Variants in TYRO3 observed in about 807,000 individuals in gnomAD.
TYRO3 encodes the protein TYRO3 protein tyrosine kinase, also known as tyrosine-protein kinase receptor TYRO3.
In TYRO3, 38 loss-of-function variants were observed where a neutral mutation model predicts 95.2. The observed-to-expected ratio is 0.40, with a 90% confidence interval of 0.31 to 0.52. TYRO3 has a LOEUF of 0.52. Among genes scored for constraint, TYRO3 ranks in the 20% least tolerant of loss-of-function variants. The pLI is 0.56. For missense variants in TYRO3, 812 were observed against 1,116.4 expected (o/e 0.73, Z 3.89); for synonymous variants, 367 against 432.9 (o/e 0.85, Z 1.89).
In TYRO3 at chr15:41,580,509, A is replaced by T. The variant is rs1264084275; in HGVS notation, c.*2233A>T. The T allele has an allele frequency of 6.6e-6, 1 of 152,198 alleles. No homozygotes were observed. Among genetic ancestry groups the T allele is most frequent in the South Asian group, 2.1e-4 (1 of 4,830 alleles). 9.4% of individuals were successfully genotyped at this position (152,198 alleles called of 1,614,324 possible). ...CGAGACTCCATCTCAAAAATAAAAT[A>T]AAAATAAAAATGCAAAAAATAATAA... On this transcript the variant is annotated 3_prime_UTR_variant, in exon 19 of 19. Transcript: ENST00000263798.
At chr15:41,574,194 C>G (rs1344272546) in intron 18 of TYRO3, among the ~76,000 whole-genome samples, 2 of 152,044 alleles carry the variant, frequency 1.3e-5, no homozygotes, top group African/African-American at 2.4e-5. Context: ...TTGTTCTACC[C>G]TAGTGAATAC....
intron 13 of TYRO3, 84 bp from the exon 14 acceptor site, chr15:41,571,511 C>A (rs772227755): frequency 7.0e-5 from 67 of 951,866 alleles, no homozygotes; most frequent in Non-Finnish European, 1.0e-4. Context: ...CCTAGGACAT[C>A]TGAAGGACAA....
chr15:41,567,581 G>T, intron 7 of TYRO3, 44 bp downstream of exon 7: 1 of 1,407,568 alleles, frequency 7.1e-7, no homozygotes, highest in Non-Finnish European at 9.3e-7. Flanking sequence ...GGCTGGAGCC[G>T]GGAAGGGGGC....
intron 4 of TYRO3, among the ~76,000 whole-genome samples, chr15:41,563,946 G>A (rs2055688372): frequency 6.6e-6 from 1 of 152,164 alleles, no homozygotes; most frequent in African/African-American, 2.4e-5. Context: ...CCGTGCACTT[G>A]ACACACATTA....
chr15:41,578,081 G>T lies in TYRO3; in HGVS notation c.2478G>T (p.Gln826His), dbSNP rs1356953333. 4 of 1,614,108 alleles carry T rather than the reference G, an allele frequency of 2.5e-6. No individual in the cohort carries two copies. Among genetic ancestry groups the T allele is most frequent in the Non-Finnish European group, 3.4e-6 (4 of 1,180,028 alleles). Reference sequence around the variant, plus strand: ...GCCTGGAGCTACCTGGCAGGGATCAGCCCTACAGTGGGGCTGGGGATGGCA... The same window carrying T: ...GCCTGGAGCTACCTGGCAGGGATCATCCCTACAGTGGGGCTGGGGATGGCA... ...GGSLELPGRD[Q>H]PYSGAGDGSG... Residue 826 changes from glutamine to histidine, a missense_variant, in exon 19 of 19, where the codon CAG becomes CAT. By Grantham distance (24) the Gln-to-His change is conservative. Coordinates refer to ENST00000263798, the MANE Select transcript of TYRO3 (RefSeq NM_006293.4).
At chr15:41,564,948 T>C (rs893128126) in intron 5 of TYRO3, 78 bp from the exon 6 acceptor site, 7 of 957,434 alleles carry the variant, frequency 7.3e-6, no homozygotes, top group Admixed American at 5.7e-5. Flanking sequence ...TCAGAGAGAC[T>C]CAAGGCTTGA....
chr15:41,567,037 G>A (rs1315138815), intron 6 of TYRO3, among the ~76,000 whole-genome samples: 1 of 152,060 alleles, frequency 6.6e-6, no homozygotes, highest in Non-Finnish European at 1.5e-5. Context: ...TAAGAGTTTC[G>A]TACCAAGTAC....
chr15:41,571,152 A>T (rs1193157888), intron 13 of TYRO3, 34 bp downstream of exon 13: 10 of 1,605,328 alleles, frequency 6.2e-6, no homozygotes, highest in Non-Finnish European at 7.7e-6. Flanking sequence ...TGAGGGCATC[A>T]CTTGGAAGGG....
At position 41,573,781 on chromosome 15, in the gene TYRO3, C is replaced by T. The variant is rs145529129; in HGVS notation, c.2248C>T (p.Arg750Cys). Reference sequence around the variant, plus strand: ...TTACAACTACCTCATTGGCGGGAACCGCCTGAAACAGCCTCCGGAGTGTAT... The same window carrying T: ...TTACAACTACCTCATTGGCGGGAACTGCCTGAAACAGCCTCCGGAGTGTAT... ...EIYNYLIGGN[R>C]LKQPPECMED... is the part of the protein sequence containing the mutation. Residue 750 changes from arginine to cysteine, a missense_variant, in exon 18 of 19, where the codon CGC (arginine) becomes TGC (cysteine). Physicochemically the swap from Arg to Cys is radical, Grantham distance 180 (BLOSUM62 -3). Coordinates refer to ENST00000263798, the MANE Select transcript of TYRO3 (RefSeq NM_006293.4). The T allele has an allele frequency of 2.1e-4, 337 of 1,613,812 alleles. No homozygotes were observed. The highest frequency in any genetic ancestry group is 3.3e-4 in the Middle Eastern group (2 of 6,082).
intron 14 of TYRO3, 101 bp downstream of exon 14, chr15:41,571,788 G>A: frequency 1.9e-6 from 1 of 529,004 alleles, no homozygotes; most frequent in Non-Finnish European, 3.6e-6. Flanking sequence ...GACTCATCTG[G>A]TAAATAAATA....
rs1204545728 is a variant in TYRO3, at chr15:41,570,011, C to CA, written c.1253-15dup. On this transcript the variant is annotated splice_polypyrimidine_tract_variant and intron_variant, in intron 9 of 18. Coordinates refer to ENST00000263798, the MANE Select transcript of TYRO3 (RefSeq NM_006293.4). ...GGTGTCATCCTAGCTCATGCCACTG[C>CA]ACCTCCCTCCCACAGGCCAGCAGGG... 4 of 1,511,282 alleles carry CA rather than the reference C, an allele frequency of 2.6e-6. No homozygotes were observed. The highest frequency in any genetic ancestry group is 1.8e-6 in the Non-Finnish European group (2 of 1,112,264). 93.6% of individuals were successfully genotyped at this position (1,511,282 alleles called of 1,614,324 possible). A position where few individuals can be genotyped will look rare whatever the true frequency, so the allele number is the denominator to read the frequency against.
rs1460677292 is a variant in TYRO3 at position 41,572,453 on chromosome 15, C to T, written c.1764C>T (p.Leu588=). 1 of 1,614,210 alleles carries T rather than the reference C, an allele frequency of 6.2e-7. No homozygotes were observed. Among genetic ancestry groups the T allele is most frequent in the Admixed American group, 1.7e-5 (1 of 60,030 alleles). ...TCTCCCTTGTCCCAGGGGTAAGCCT[C>T]CGGAGCAGGGCTAAAGGCCGTCTCC... ...PHVAKLVGVS[L]RSRAKGRLPI... Residue 588 remains leucine (L), a synonymous_variant, in exon 15 of 19, where the codon CTC becomes CTT. Transcript: ENST00000263798.
chr15:41,576,322 T>C (rs1477908779), intron 18 of TYRO3, among the ~76,000 whole-genome samples: 1 of 151,670 alleles, frequency 6.6e-6, no homozygotes, highest in East Asian at 2.0e-4. Flanking sequence ...GTCTCCTGAG[T>C]AGCTGGGATT....
intron 15 of TYRO3, 137 bp from the exon 16 acceptor site, chr15:41,572,865 G>C (rs1267055581): frequency 3.9e-6 from 3 of 774,852 alleles, no homozygotes; most frequent in Non-Finnish European, 6.2e-6. Flanking sequence ...TCCTTGCCTT[G>C]GGAAGGCCCT....
At chr15:41,577,639 T>TA in intron 18 of TYRO3, 1 of 346,104 alleles carries the variant, frequency 2.9e-6, no homozygotes, top group Non-Finnish European at 5.4e-6. Flanking sequence ...CAGGCGTGTC[T>TA]ACCAAGCCTG....
Position 41,580,994 on chromosome 15 carries a change from C to T in TYRO3, c.*2718C>T. 1 of 152,170 alleles carries T rather than the reference C, an allele frequency of 6.6e-6. No individual in the cohort carries two copies. Among genetic ancestry groups the T allele is most frequent in the Non-Finnish European group, 1.5e-5 (1 of 67,988 alleles). The allele number at this position is 152,170 out of a possible 1,614,324, so 9.4% of individuals were successfully genotyped here. On this transcript the variant is annotated 3_prime_UTR_variant, in exon 19 of 19. Transcript: ENST00000263798. Reference sequence around the variant, plus strand: ...TCACTTCAGGCCGGGAGTTCGAGACCAGCCTGGGCAACATGAAACCCCATC... The same window carrying T: ...TCACTTCAGGCCGGGAGTTCGAGACTAGCCTGGGCAACATGAAACCCCATC...
At chr15:41,572,829 G>T (rs1158182901) in intron 15 of TYRO3, among the ~76,000 whole-genome samples, 173 bp from the exon 16 acceptor site, 1 of 152,210 alleles carries the variant, frequency 6.6e-6, no homozygotes, top group African/African-American at 2.4e-5. Flanking sequence ...TCGTCTTCCA[G>T]GCTCCCTCTT....
At position 41,578,115 on chromosome 15, in the gene TYRO3, G is replaced by A. The variant is rs1012042500; in HGVS notation, c.2512G>A (p.Gly838Arg). 2 of 1,613,796 alleles carry A rather than the reference G, an allele frequency of 1.2e-6. No individual in the cohort carries two copies. Among genetic ancestry groups the A allele is most frequent in the African/African-American group, 1.3e-5 (1 of 74,908 alleles). Residue 838 changes from glycine (G) to arginine (R), a missense_variant, in exon 19 of 19, where the codon GGG becomes AGG. Coordinates refer to ENST00000263798, the MANE Select transcript of TYRO3 (RefSeq NM_006293.4). Reference sequence around the variant, plus strand: ...TGGGGCTGGGGATGGCAGTGGCATGGGGGCAGTGGGTGGCACTCCCAGTGA... The same window carrying A: ...TGGGGCTGGGGATGGCAGTGGCATGAGGGCAGTGGGTGGCACTCCCAGTGA... The part of the protein sequence containing the change: ...YSGAGDGSGM[G>R]AVGGTPSDCR...
intron 1 of TYRO3, among the ~76,000 whole-genome samples, chr15:41,560,428 T>TGTGCGCGC (rs1408766845): frequency 1.2e-3 from 156 of 135,308 alleles, no homozygotes; most frequent in African/African-American, 2.9e-3. Context: ...TGTGTGTGTG[T>TGTGCGCGC]GCGCGCGCGC....
Sources: gnomAD v4.1 joint callset for allele counts (sites outside exome capture counted in the v4.1 genomes callset) on GRCh38, gnomAD v4.1.1 for gene constraint, MANE v1.5 for transcripts, NCBI Gene and HGNC (gene_info 2026-07-23, HGNC 2026-07-21) for gene names.